Variants in CCNB3 observed in about 807,000 individuals in gnomAD.
CCNB3 encodes the protein G2/mitotic-specific cyclin-B3.
A neutral mutation model predicts 68.0 loss-of-function variants in CCNB3; 12 were observed. That is an observed-to-expected ratio of 0.18 (90% CI 0.11 to 0.29). CCNB3 has a LOEUF of 0.29. Among genes scored for constraint, CCNB3 ranks in the 10% least tolerant of loss-of-function variants. The pLI is 1.00. For missense variants in CCNB3, 904 were observed against 993.1 expected (o/e 0.91, Z 1.21); for synonymous variants, 354 against 388.9 (o/e 0.91, Z 1.06).
At chrX:50,318,644 A>G (rs1557216178) in intron 8 of CCNB3, among the ~76,000 whole-genome samples, 1 of 112,350 alleles carries the variant, frequency 8.9e-6, no homozygotes, top group Admixed American at 9.4e-5. Flanking sequence ...GAATTGAAAT[A>G]TATTTTGTGC....
chrX:50,281,166 A>G (rs911174733), intron 1 of CCNB3, among the ~76,000 whole-genome samples: 4 of 111,204 alleles, frequency 3.6e-5, no homozygotes, highest in Non-Finnish European at 7.5e-5. Flanking sequence ...CTTCAGAGGC[A>G]GAGTTGGATT....
intron 4 of CCNB3, 152 bp from the exon 5 acceptor site, chrX:50,294,711 T>G: frequency 3.5e-6 from 2 of 573,666 alleles, no homozygotes; most frequent in Non-Finnish European, 5.5e-6. Context: ...ATACTGGTTG[T>G]GAGATGTTTG....
At chrX:50,214,474 C>CTATATATATATA (rs1935530522) in intron 1 of CCNB3, among the ~76,000 whole-genome samples, 6 of 1,921 alleles carry the variant, frequency 3.1e-3, no homozygotes, top group Non-Finnish European at 0.011. Flanking sequence ...TAGCTGTGGC[C>CTATATATATATA]CATATATATA....
intron 8 of CCNB3, among the ~76,000 whole-genome samples, chrX:50,332,680 C>T (rs192357684): frequency 2.1e-3 from 233 of 111,167 alleles, no homozygotes; most frequent in African/African-American, 6.5e-3. Flanking sequence ...TTCCTTCTAC[C>T]TTTACAGCCT....
intron 1 of CCNB3, among the ~76,000 whole-genome samples, chrX:50,226,079 G>T (rs1309763550): frequency 8.0e-5 from 6 of 75,389 alleles, no homozygotes; most frequent in African/African-American, 3.0e-4. Context: ...AATATATATA[G>T]AATATATATG....
At chrX:50,318,748 G>A (rs1040774450) in intron 8 of CCNB3, among the ~76,000 whole-genome samples, 4 of 111,401 alleles carry the variant, frequency 3.6e-5, no homozygotes, top group African/African-American at 1.3e-4. Context: ...AAACTTGGCC[G>A]GTAAGCAGTC....
At position 50,308,752 on chromosome X, in the gene CCNB3, C is replaced by T. The variant is rs1557213924; in HGVS notation, c.583C>T (p.Pro195Ser). The T allele has an allele frequency of 1.6e-5, 19 of 1,211,243 alleles. No individual in the cohort carries two copies. The highest frequency in any genetic ancestry group is 2.0e-5 in the Non-Finnish European group (18 of 895,175). Reference protein sequence around the residue: ...EEVSLLEKLQPLQEESDSDDA... With the variant: ...EEVSLLEKLQSLQEESDSDDA... ...GGTGTCCTTACTGGAAAAGCTACAG[C>T]CCCTGCAGGAGGAGAGTGACAGTGA... The change falls in exon 6 of 13, where the codon CCC becomes TCC. Residue 195 changes from proline (P) to serine (S), a missense_variant. Around this residue, in one of 2 missense-constraint regions of CCNB3, gnomAD observed 619 missense variants for 609.8 expected, o/e 1.02. Transcript: ENST00000376042.
intron 5 of CCNB3, among the ~76,000 whole-genome samples, chrX:50,307,796 T>C (rs1225342214): frequency 9.0e-6 from 1 of 111,556 alleles, no homozygotes; most frequent in Admixed American, 9.5e-5. Flanking sequence ...AATCATATGA[T>C]ATCTGGTCTT....
chrX:50,350,887 G>T (rs1557221063), intron 11 of CCNB3, among the ~76,000 whole-genome samples: 1 of 109,777 alleles, frequency 9.1e-6, no homozygotes, highest in East Asian at 2.9e-4. Context: ...AAAAGAGATA[G>T]GGTCTTGCTG....
intron 5 of CCNB3, among the ~76,000 whole-genome samples, chrX:50,299,406 G>A (rs1222310941): frequency 9.0e-6 from 1 of 111,481 alleles, no homozygotes; most frequent in African/African-American, 3.3e-5. Context: ...TAGTCATTCA[G>A]GAGCAGGTTG....
chrX:50,223,152 A>G (rs1282066540), intron 1 of CCNB3, among the ~76,000 whole-genome samples: 4 of 110,996 alleles, frequency 3.6e-5, no homozygotes, highest in African/African-American at 1.3e-4. Flanking sequence ...TATTCTAGTT[A>G]GCAGTTCCTG....
At chrX:50,226,025 T>A (rs1437402513) in intron 1 of CCNB3, among the ~76,000 whole-genome samples, 9 of 90,078 alleles carry the variant, frequency 1.0e-4, no homozygotes, top group African/African-American at 8.1e-5. Flanking sequence ...TATACAAAAA[T>A]ATATATATAG....
chrX:50,336,178 GTC>G (rs1239923133), intron 8 of CCNB3, among the ~76,000 whole-genome samples: 3 of 112,012 alleles, frequency 2.7e-5, no homozygotes, highest in African/African-American at 9.7e-5. Flanking sequence ...TTTTTCTGAG[GTC>G]TTTTGCTCCG....
intron 5 of CCNB3, among the ~76,000 whole-genome samples, chrX:50,303,522 A>G (rs1438339723): frequency 9.2e-6 from 1 of 108,249 alleles, no homozygotes; most frequent in African/African-American, 3.4e-5. Flanking sequence ...TTAGGTTTGC[A>G]TTTCTCTGAC....
intron 5 of CCNB3, among the ~76,000 whole-genome samples, chrX:50,307,797 A>G (rs782164817): frequency 1.1e-4 from 12 of 111,485 alleles, no homozygotes; most frequent in African/African-American, 3.9e-4. Context: ...ATCATATGAT[A>G]TCTGGTCTTT....
intron 1 of CCNB3, among the ~76,000 whole-genome samples, chrX:50,219,589 G>A (rs1050555578): frequency 5.4e-5 from 6 of 110,627 alleles, no homozygotes; most frequent in Non-Finnish European, 9.5e-5. Context: ...GTAGATGTGT[G>A]GCATTATTTC....
chrX:50,341,377 A>G (rs1557219599), intron 8 of CCNB3, among the ~76,000 whole-genome samples: 1 of 108,710 alleles, frequency 9.2e-6, no homozygotes, highest in South Asian at 3.8e-4. Context: ...ATAAATAAGT[A>G]AAAATTTAAA....
intron 8 of CCNB3, among the ~76,000 whole-genome samples, chrX:50,328,287 A>G (rs1557217566): frequency 8.9e-6 from 1 of 112,430 alleles, no homozygotes; most frequent in East Asian, 2.8e-4. Flanking sequence ...ATGTATTTAA[A>G]CAAAAAAGAA....
intron 1 of CCNB3, among the ~76,000 whole-genome samples, chrX:50,213,901 A>T (rs1285445313): frequency 8.9e-6 from 1 of 111,775 alleles, no homozygotes; most frequent in Non-Finnish European, 1.9e-5. Context: ...TTGATATATT[A>T]ATACAAAGAA....
Sources: allele counts gnomAD v4.1 joint callset (sites outside exome capture counted in the v4.1 genomes callset), GRCh38; gene constraint gnomAD v4.1.1; regional missense constraint gnomAD v4.1.1; transcripts MANE v1.5; gene names NCBI Gene and HGNC (gene_info 2026-07-23, HGNC 2026-07-21).